Variants in NMNAT1 observed in about 807,000 individuals in gnomAD.
The protein encoded by NMNAT1 is nicotinamide/nicotinic acid mononucleotide adenylyltransferase 1.
NMNAT1 carries 11 observed loss-of-function variants against 16.7 expected under a neutral mutation model. The ratio of observed to expected loss-of-function variants is 0.66; its 90% CI spans 0.41 to 1.09. The LOEUF (loss-of-function observed/expected upper bound fraction) is 1.09, where lower values mean the gene tolerates loss of function less well. NMNAT1 is among the 50% of genes least tolerant of loss of function. The probability of loss-of-function intolerance (pLI) is 0.00; values close to 1 mark genes in which losing one functional copy is unlikely to be tolerated. For synonymous variants in NMNAT1, 110 were observed against 119.8 expected, an observed-to-expected ratio of 0.92 and a Z score of 0.53; for missense variants, 280 against 332.3, an observed-to-expected ratio of 0.84 and a Z score of 1.22.
intron 1 of NMNAT1, among the ~76,000 whole-genome samples, chr1:9,967,750 C>T (rs1316656791): frequency 1.3e-5 from 2 of 152,016 alleles, no homozygotes; most frequent in Non-Finnish European, 2.9e-5. Context: ...TGGACAGGTT[C>T]GCTTCGAGAT....
chr1:9,984,162 C>A lies in NMNAT1; in HGVS notation c.*1461C>A. 1 of 152,446 alleles carries A rather than the reference C, an allele frequency of 6.6e-6. No homozygotes were observed. The highest frequency in any genetic ancestry group is 1.5e-5 in the Non-Finnish European group (1 of 68,184). 9.4% of individuals were successfully genotyped at this position (152,446 alleles called of 1,614,324 possible). A position where few individuals can be genotyped will look rare whatever the true frequency, so the allele number is the denominator to read the frequency against. On this transcript the variant is annotated 3_prime_UTR_variant, in exon 5 of 5. Transcript: ENST00000377205. ...TCCCGGGTTCAAGCAATTCTCCTGC[C>A]TCAGCCTGCTGAGTAGCTGGGATTA...
intron 1 of NMNAT1, among the ~76,000 whole-genome samples, chr1:9,955,403 C>CAAA (rs71583829): frequency 0.61 from 55,447 of 90,370 alleles, 18,897 homozygotes; most frequent in Non-Finnish European, 0.76. Context: ...GACTTTGTCT[C>CAAA]AAAAAAAAAA....
intron 4 of NMNAT1, chr1:9,981,612 C>A: frequency 6.3e-6 from 1 of 157,566 alleles, no homozygotes; most frequent in South Asian, 1.7e-4. Flanking sequence ...CCCAAGCAGT[C>A]CTCCTGCCTT....
In NMNAT1 at chr1:9,976,787, G is replaced by A. The variant is rs535485352; in HGVS notation, c.299+1012G>A. Among the ~76,000 whole-genome samples the A allele has an allele frequency of 1.2e-4, 18 of 151,874 alleles. 1 individual carries two copies. In the South Asian group the frequency reaches 2.7e-3, roughly 23 times the overall value. On this transcript the variant is annotated intron_variant, in intron 3 of 4. Transcript: ENST00000377205. ...CTACAGGTGACTGCCACCACGCCCC[G>A]CTAATGTTTTTGTATTTTTAGTAGA...
At chr1:9,974,194 C>T (rs1641755263) in intron 2 of NMNAT1, among the ~76,000 whole-genome samples, 1 of 151,758 alleles carries the variant, frequency 6.6e-6, no homozygotes, top group South Asian at 2.1e-4. Context: ...AATTTATATG[C>T]AAACATTTGT....
intron 1 of NMNAT1, among the ~76,000 whole-genome samples, chr1:9,952,073 T>TG (rs1441147928): frequency 2.0e-5 from 3 of 151,940 alleles, no homozygotes; most frequent in African/African-American, 7.2e-5. Context: ...CCGAGGTGGG[T>TG]GGATCACGAG....
downstream of NMNAT1, among the ~76,000 whole-genome samples, chr1:9,985,789 A>G (rs1418265931): frequency 1.3e-5 from 2 of 152,112 alleles, no homozygotes; most frequent in African/African-American, 2.4e-5. Flanking sequence ...CAGCCTCCCA[A>G]GGAGCTGGGA....
chr1:9,967,189 A>G (rs2101681320), intron 1 of NMNAT1, among the ~76,000 whole-genome samples: 1 of 152,064 alleles, frequency 6.6e-6, no homozygotes, highest in East Asian at 1.9e-4. Flanking sequence ...TTTCCACTGC[A>G]CTCCAGCCTG....
chr1:9,981,910 C>G, intron 4 of NMNAT1: 1 of 157,488 alleles, frequency 6.3e-6, no homozygotes, highest in Non-Finnish European at 1.4e-5. Context: ...GTTGCCCAGG[C>G]TGGAGTGCGA....
intron 1 of NMNAT1, among the ~76,000 whole-genome samples, chr1:9,954,436 C>A (rs1355083218): frequency 6.6e-6 from 1 of 151,948 alleles, no homozygotes. Flanking sequence ...GTCTTGAACT[C>A]CTGACTTCAC....
In NMNAT1 at chr1:9,982,750, A is replaced by T. The variant is rs760816122; in HGVS notation, c.*49A>T. ...GACTTCCCATTTGGGGATCTGAAAC[A>T]ATCTGGGAGTTAATAACTGGGGAAA... On this transcript the variant is annotated 3_prime_UTR_variant, in exon 5 of 5. Transcript: ENST00000377205. 2 of 1,516,026 alleles carry T rather than the reference A, an allele frequency of 1.3e-6. No individual in the cohort carries two copies. The highest frequency in any genetic ancestry group is 4.5e-5 in the East Asian group (2 of 44,126). 93.9% of individuals were successfully genotyped at this position (1,516,026 alleles called of 1,614,324 possible). A position where few individuals can be genotyped will look rare whatever the true frequency, so the allele number is the denominator to read the frequency against.
downstream of NMNAT1, among the ~76,000 whole-genome samples, chr1:9,990,389 C>A (rs2101723699): frequency 6.6e-6 from 1 of 152,258 alleles, no homozygotes; most frequent in South Asian, 2.1e-4. Context: ...AGGAGTGACT[C>A]CTCATGGCTC....
At chr1:9,974,951 C>T (rs1050922849) in intron 2 of NMNAT1, among the ~76,000 whole-genome samples, 3 of 152,064 alleles carry the variant, frequency 2.0e-5, no homozygotes, top group Non-Finnish European at 2.9e-5. Context: ...GTGGACAATA[C>T]AAATTAAGGC....
At chr1:9,950,618 C>G (rs568329690) in intron 1 of NMNAT1, 2 of 152,186 alleles carry the variant, frequency 1.3e-5, no homozygotes, top group Non-Finnish European at 2.9e-5. Context: ...CACCCTGGCC[C>G]GCCAGATCAG....
At chr1:9,976,068 G>C (rs1420422716) in intron 3 of NMNAT1, among the ~76,000 whole-genome samples, 2 of 151,900 alleles carry the variant, frequency 1.3e-5, no homozygotes, top group African/African-American at 4.8e-5. Context: ...GGGTGGATCA[G>C]CTGAGGTCAG....
At chr1:9,948,901 C>A (rs1389857315) in intron 1 of NMNAT1, among the ~76,000 whole-genome samples, 5 of 151,214 alleles carry the variant, frequency 3.3e-5, no homozygotes, top group African/African-American at 1.2e-4. Context: ...ACCCACCTGG[C>A]CTCCCAAAAT....
intron 4 of NMNAT1, 64 bp downstream of exon 4, chr1:9,981,234 C>A: frequency 6.4e-7 from 1 of 1,565,308 alleles, no homozygotes; most frequent in South Asian, 1.2e-5. Context: ...GAGCAAACCC[C>A]TGTGTATTTT....
downstream of NMNAT1, among the ~76,000 whole-genome samples, chr1:9,986,036 A>G (rs1043435896): frequency 2.0e-5 from 3 of 152,122 alleles, no homozygotes; most frequent in Admixed American, 1.3e-4. Flanking sequence ...TCCCCTTGCT[A>G]TCCTTTAATG....
intron 2 of NMNAT1, among the ~76,000 whole-genome samples, chr1:9,975,018 G>A (rs1225423976): frequency 6.6e-6 from 1 of 152,178 alleles, no homozygotes; most frequent in Non-Finnish European, 1.5e-5. Flanking sequence ...GGGGAATGAG[G>A]TGAAGTACAG....
Sources: allele counts gnomAD v4.1 joint callset (sites outside exome capture counted in the v4.1 genomes callset), GRCh38; gene constraint gnomAD v4.1.1; transcripts MANE v1.5; gene names NCBI Gene and HGNC (gene_info 2026-07-23, HGNC 2026-07-21).